Variants in CDYL observed in about 807,000 individuals in gnomAD.
CDYL encodes chromodomain Y like.
CDYL carries 8 observed loss-of-function variants against 47.3 expected under a neutral mutation model. The observed-to-expected ratio is 0.17, with a 90% CI of 0.10 to 0.31. The LOEUF (loss-of-function observed/expected upper bound fraction) is 0.31, where lower values mean the gene tolerates loss of function less well. Ranked by LOEUF, CDYL falls within the 10% of genes least tolerant of loss-of-function variation. The probability of loss-of-function intolerance (pLI) is 1.00; values close to 1 mark genes in which losing one functional copy is unlikely to be tolerated. For missense variants in CDYL, 471 were observed against 701.4 expected (o/e 0.67, Z 3.71); for synonymous variants, 266 against 265.0 (o/e 1.00, Z -0.04).
At chr6:4,947,881 G>A (rs573600593) in intron 5 of CDYL, among the ~76,000 whole-genome samples, 2 of 152,254 alleles carry the variant, frequency 1.3e-5, no homozygotes, top group African/African-American at 2.4e-5. Context: ...TGGGAAGAGC[G>A]GTCCATGGGG....
At chr6:4,855,040 T>C (rs1760964862) in intron 1 of CDYL, among the ~76,000 whole-genome samples, 1 of 152,218 alleles carries the variant, frequency 6.6e-6, no homozygotes, top group Admixed American at 6.5e-5. Flanking sequence ...CTAGAAATAG[T>C]CTATGTCTAG....
intron 2 of CDYL, among the ~76,000 whole-genome samples, chr6:4,923,769 C>T (rs956433457): frequency 8.6e-5 from 13 of 152,022 alleles, no homozygotes; most frequent in African/African-American, 1.7e-4. Flanking sequence ...GGCATGGTGG[C>T]GGGCGCCTGT....
At chr6:4,929,976 G>T (rs1228268075) in intron 2 of CDYL, among the ~76,000 whole-genome samples, 1 of 152,088 alleles carries the variant, frequency 6.6e-6, no homozygotes, top group African/African-American at 2.4e-5. Flanking sequence ...GTTCTGGCAG[G>T]AAATTGTTAG....
At chr6:4,783,179 AT>A (rs968249428) in intron 1 of CDYL, among the ~76,000 whole-genome samples, 34 of 128,640 alleles carry the variant, frequency 2.6e-4, no homozygotes, top group Admixed American at 5.1e-4. Context: ...TCCTTCTGGG[AT>A]TTTTTTTTTT....
intron 1 of CDYL, among the ~76,000 whole-genome samples, chr6:4,811,020 G>A (rs1261220227): frequency 6.6e-6 from 1 of 152,212 alleles, no homozygotes; most frequent in Non-Finnish European, 1.5e-5. Context: ...GCTTGTCAAT[G>A]CATATCATCT....
Position 4,831,832 on chromosome 6 carries a change from T to A in CDYL, c.24+55025T>A, listed in dbSNP as rs558964558. On this transcript the variant is annotated intron_variant, in intron 1 of 6. Coordinates refer to ENST00000397588, the MANE Select transcript of CDYL (RefSeq NM_004824.4). ...ATTCCTAAGTGTTTTATTCTCTTTG[T>A]AGCAATTGTGAATGGGAGTTCACTC... 7.4e-3 allele frequency among the ~76,000 whole-genome samples: 1,119 copies of A among 152,234 alleles called. 9 individuals are homozygous for A. The highest frequency in any genetic ancestry group is 0.011 in the Non-Finnish European group (751 of 68,018).
intron 2 of CDYL, among the ~76,000 whole-genome samples, chr6:4,894,123 G>A (rs1762128978): frequency 6.6e-6 from 1 of 152,342 alleles, no homozygotes; most frequent in Admixed American, 6.5e-5. Flanking sequence ...AAGTTCAGAG[G>A]TAGAAGGGAC....
chr6:4,841,415 G>T (rs1760485060), intron 1 of CDYL, among the ~76,000 whole-genome samples: 1 of 151,896 alleles, frequency 6.6e-6, no homozygotes, highest in Non-Finnish European at 1.5e-5. Context: ...TTTGATCTTT[G>T]TTATTTCTTC....
intron 1 of CDYL, among the ~76,000 whole-genome samples, chr6:4,822,701 A>T (rs1056695130): frequency 6.6e-6 from 1 of 152,172 alleles, no homozygotes. Flanking sequence ...GCCATCTGCT[A>T]TGGAAAATGA....
intron 2 of CDYL, among the ~76,000 whole-genome samples, chr6:4,917,143 C>T (rs967331441): frequency 6.6e-6 from 1 of 152,166 alleles, no homozygotes; most frequent in Non-Finnish European, 1.5e-5. Context: ...TTATTCCTTC[C>T]TTATGGTTTT....
chr6:4,750,737 T>C (rs552623971), intron 3 of CDYL, among the ~76,000 whole-genome samples: 12 of 152,248 alleles, frequency 7.9e-5, no homozygotes, highest in East Asian at 1.9e-4. Flanking sequence ...CTGTACATAC[T>C]GTAAGTATAT....
intron 1 of CDYL, among the ~76,000 whole-genome samples, chr6:4,834,226 C>T (rs1328380577): frequency 4.6e-5 from 7 of 152,118 alleles, no homozygotes; most frequent in Non-Finnish European, 1.0e-4. Flanking sequence ...TGTTCCTTTC[C>T]ATGTTTAGTG....
intron 3 of CDYL, among the ~76,000 whole-genome samples, chr6:4,744,584 T>C (rs1291611350): frequency 6.6e-6 from 1 of 152,194 alleles, no homozygotes; most frequent in African/African-American, 2.4e-5. Flanking sequence ...TACCACTGAT[T>C]ACTTTAAGAA....
chr6:4,907,050 G>A (rs13212871), intron 2 of CDYL, among the ~76,000 whole-genome samples: 1 of 152,132 alleles, frequency 6.6e-6, no homozygotes, highest in African/African-American at 2.4e-5. Context: ...CTTGATTATA[G>A]AGTCTGTGTA....
intron 1 of CDYL, among the ~76,000 whole-genome samples, chr6:4,854,460 C>T (rs1248760638): frequency 1.3e-5 from 2 of 152,190 alleles, no homozygotes; most frequent in East Asian, 3.8e-4. Context: ...CCCAGTGAGT[C>T]ATTTTGGTTG....
chr6:4,867,189 A>T (rs371384563), intron 1 of CDYL, among the ~76,000 whole-genome samples: 4 of 152,042 alleles, frequency 2.6e-5, no homozygotes, highest in Admixed American at 2.6e-4. Flanking sequence ...TTGTTTCTGG[A>T]GTATGTTAAA....
At chr6:4,836,481 A>G (rs1030798751) in intron 1 of CDYL, among the ~76,000 whole-genome samples, 2 of 151,938 alleles carry the variant, frequency 1.3e-5, no homozygotes, top group African/African-American at 4.8e-5. Context: ...TTCCTGTGAT[A>G]CCACTTGCCA....
chr6:4,927,738 A>G (rs1430412863), intron 2 of CDYL, among the ~76,000 whole-genome samples: 1 of 152,118 alleles, frequency 6.6e-6, no homozygotes, highest in Admixed American at 6.5e-5. Context: ...GTGTTTTTAC[A>G]TCTGTTTTAT....
upstream of CDYL, among the ~76,000 whole-genome samples, chr6:4,771,872 T>G (rs1422588775): frequency 6.6e-6 from 1 of 152,250 alleles, no homozygotes; most frequent in Non-Finnish European, 1.5e-5. Context: ...GTTACTGCCT[T>G]GGCATAAAGT....
Sources: gnomAD v4.1 joint callset for allele counts (sites outside exome capture counted in the v4.1 genomes callset) on GRCh38, gnomAD v4.1.1 for gene constraint, MANE v1.5 for transcripts, NCBI Gene and HGNC (gene_info 2026-07-23, HGNC 2026-07-21) for gene names.